Variants in TRAF5 observed in about 807,000 individuals in gnomAD.
TRAF5 encodes the protein TNF receptor-associated factor 5.
A neutral mutation model predicts 64.5 loss-of-function variants in TRAF5; 48 were observed. That is an observed-to-expected ratio of 0.74 (90% confidence interval 0.59 to 0.95). The LOEUF is 0.95. Among genes scored for constraint, TRAF5 ranks in the 40% least tolerant of loss-of-function variants. TRAF5 has a pLI of 0.00. For missense variants in TRAF5, 545 were observed against 662.8 expected (o/e 0.82, Z 1.95); for synonymous variants, 206 against 240.5 (o/e 0.86, Z 1.33).
intron 7 of TRAF5, among the ~76,000 whole-genome samples, chr1:211,365,098 G>C (rs1218830896): frequency 6.6e-6 from 1 of 151,424 alleles, no homozygotes; most frequent in Non-Finnish European, 1.5e-5. Flanking sequence ...GCTTGAACCC[G>C]AGAGGCAGAG....
rs1366258084 is a variant in TRAF5 at position 211,372,396 on chromosome 1, G to GT, written c.1369dup (p.Ser457PhefsTer15). On this transcript the variant is annotated frameshift_variant, in exon 11 of 11. Coordinates refer to ENST00000261464, the MANE Select transcript of TRAF5 (RefSeq NM_001033910.3). LOFTEE classifies it high-confidence loss of function. ...TGAATGGGGATGGGTCAGGGAGGGGGTCACACCTGTCCCTATACTTTGTGG... is the reference window on the plus strand; with the variant it reads ...TGAATGGGGATGGGTCAGGGAGGGGGTTCACACCTGTCCCTATACTTTGTGG... The GT allele has an allele frequency of 1.9e-6, 3 of 1,614,022 alleles. No individual in the cohort carries two copies. Among genetic ancestry groups the GT allele is most frequent in the Non-Finnish European group, 2.5e-6 (3 of 1,180,022 alleles).
chr1:211,351,911 T>G (rs917481735), intron 1 of TRAF5, among the ~76,000 whole-genome samples: 5 of 152,290 alleles, frequency 3.3e-5, no homozygotes, highest in Middle Eastern at 3.4e-3. Flanking sequence ...TCCTCCAGCT[T>G]TGTTCTTCTC....
intron 1 of TRAF5, among the ~76,000 whole-genome samples, chr1:211,345,128 G>A (rs1702562884): frequency 6.6e-6 from 1 of 152,146 alleles, no homozygotes; most frequent in South Asian, 2.1e-4. Context: ...TGTTGGTCAG[G>A]CTGGTCTTGA....
At chr1:211,335,064 A>C (rs1172193598) in intron 1 of TRAF5, among the ~76,000 whole-genome samples, 1 of 152,190 alleles carries the variant, frequency 6.6e-6, no homozygotes, top group African/African-American at 2.4e-5. Flanking sequence ...CTCAATGGTG[A>C]CTAAAGACCA....
At chr1:211,345,117 A>G (rs1010067355) in intron 1 of TRAF5, among the ~76,000 whole-genome samples, 1 of 152,050 alleles carries the variant, frequency 6.6e-6, no homozygotes, top group African/African-American at 2.4e-5. Flanking sequence ...GGATTTCTCC[A>G]TGTTGGTCAG....
chr1:211,364,633 C>G (rs965442335), intron 7 of TRAF5, among the ~76,000 whole-genome samples: 12 of 151,920 alleles, frequency 7.9e-5, no homozygotes, highest in African/African-American at 2.9e-4. Flanking sequence ...TTGCAGTGAG[C>G]CAAGGTTGTG....
In TRAF5 at chr1:211,369,534, A is replaced by G; in HGVS notation, c.872A>G (p.Glu291Gly). 2 of 1,611,120 alleles carry G rather than the reference A, an allele frequency of 1.2e-6. No individual in the cohort carries two copies. Reference protein sequence around the residue: ...LAETIKKLEKEFKQFAQLFGK... With the variant: ...LAETIKKLEKGFKQFAQLFGK... The stretch of plus-strand genomic sequence containing the variant: ...GAAACTATAAAGAAACTTGAAAAGG[A>G]GTTCAAGCAGTTTGCACAGTTGTTT... Residue 291 changes from glutamate to glycine, a missense_variant, in exon 9 of 11, where the codon GAG (glutamate) becomes GGG (glycine). Transcript: ENST00000261464.
intron 1 of TRAF5, among the ~76,000 whole-genome samples, chr1:211,328,528 G>A (rs1421079949): frequency 6.6e-6 from 1 of 152,130 alleles, no homozygotes. Context: ...CAGCAAGCCC[G>A]CTGGACTTGG....
rs750805388 is a variant in TRAF5, at chr1:211,354,420, AC to A, written c.230del (p.Thr77LysfsTer7). On this transcript the variant is annotated frameshift_variant, in exon 3 of 11. Transcript: ENST00000261464. LOFTEE classifies it high-confidence loss of function. ...AATTTTTTTCTCCAGAGAATTAAAC[AC>A]AGTGCCAATCTGCCCTGTAGATAAA... is the stretch of plus-strand genomic sequence containing the variant. ...HCILSLRELN[T>X]VPICPVDKEV... 9 of 1,614,030 alleles carry A rather than the reference AC, an allele frequency of 5.6e-6. No individual in the cohort carries two copies. The South Asian group carries it at 7.7e-5, about 14-fold the overall frequency.
chr1:211,368,312 C>T (rs1229092823), intron 8 of TRAF5, among the ~76,000 whole-genome samples: 1 of 152,160 alleles, frequency 6.6e-6, no homozygotes, highest in Non-Finnish European at 1.5e-5. Flanking sequence ...TAATATTATT[C>T]TGGTCACAGT....
intron 6 of TRAF5, 49 bp from the exon 7 acceptor site, chr1:211,361,039 T>G: frequency 2.5e-6 from 4 of 1,580,136 alleles, no homozygotes; most frequent in Non-Finnish European, 3.5e-6. Flanking sequence ...TTGCTGCAGT[T>G]GGAGAATAAG....
At chr1:211,356,702 T>G (rs4951523) in intron 4 of TRAF5, 235,879 of 420,808 alleles carry the variant, frequency 0.56, 69,339 homozygotes, top group Non-Finnish European at 0.61. Flanking sequence ...TTGTATCCAC[T>G]AGACCTTAAT....
chr1:211,365,611 G>A, intron 8 of TRAF5, 143 bp downstream of exon 8: 1 of 628,020 alleles, frequency 1.6e-6, no homozygotes, highest in South Asian at 2.2e-5. Context: ...GGCCAAACAG[G>A]CTCATAGGAT....
chr1:211,334,515 G>A (rs1286653424), intron 1 of TRAF5, among the ~76,000 whole-genome samples: 2 of 152,176 alleles, frequency 1.3e-5, no homozygotes, highest in South Asian at 4.2e-4. Flanking sequence ...AAAATTAGCC[G>A]GGCTTGGTGG....
At chr1:211,365,742 C>A (rs1425578073) in intron 8 of TRAF5, among the ~76,000 whole-genome samples, 1 of 152,192 alleles carries the variant, frequency 6.6e-6, no homozygotes, top group Non-Finnish European at 1.5e-5. Flanking sequence ...TAGCATAATT[C>A]AATCTCAAAA....
intron 1 of TRAF5, among the ~76,000 whole-genome samples, chr1:211,328,813 C>T (rs143354286): frequency 1.3e-5 from 2 of 152,288 alleles, no homozygotes; most frequent in African/African-American, 4.8e-5. Context: ...TTGTTCTTGT[C>T]GTTTTGTTCT....
chr1:211,339,826 G>A (rs560086697), intron 1 of TRAF5, among the ~76,000 whole-genome samples: 1 of 152,324 alleles, frequency 6.6e-6, no homozygotes, highest in South Asian at 2.1e-4. Flanking sequence ...GGAGGGAATT[G>A]CCCTGTGTGC....
At chr1:211,358,038 G>A (rs1484070938) in intron 4 of TRAF5, 1 of 152,182 alleles carries the variant, frequency 6.6e-6, no homozygotes, top group African/African-American at 2.4e-5. Flanking sequence ...TAGCAGGCCA[G>A]ATTTGGCCTG....
chr1:211,359,795 C>T, intron 4 of TRAF5, 117 bp from the exon 5 acceptor site: 2 of 1,260,446 alleles, frequency 1.6e-6, no homozygotes, highest in Non-Finnish European at 2.2e-6. Flanking sequence ...TTGCCCTGTG[C>T]AAGCCTTTCT....
Sources: gnomAD v4.1 joint callset for allele counts (sites outside exome capture counted in the v4.1 genomes callset) on GRCh38, gnomAD v4.1.1 for gene constraint, MANE v1.5 for transcripts, NCBI Gene and HGNC (gene_info 2026-07-23, HGNC 2026-07-21) for gene names.